SCNN1B: variants seen among roughly 807,000 people sequenced by gnomAD.
SCNN1B encodes the protein epithelial sodium channel subunit beta.
A neutral mutation model predicts 65.3 loss-of-function variants in SCNN1B; 46 were observed. That is an observed-to-expected ratio of 0.70 (90% CI 0.56 to 0.90). The LOEUF (loss-of-function observed/expected upper bound fraction) is 0.90. Among genes scored for constraint, SCNN1B ranks in the 40% least tolerant of loss-of-function variants. The probability of loss-of-function intolerance (pLI) is 0.00; values close to 1 mark genes in which losing one functional copy is unlikely to be tolerated. For missense variants in SCNN1B, 751 were observed against 830.5 expected (o/e 0.90, Z 1.18); for synonymous variants, 349 against 330.6 (o/e 1.06, Z -0.60).
chr16:23,321,668 T>C (rs1961590462), intron 1 of SCNN1B, among the ~76,000 whole-genome samples: 1 of 152,140 alleles, frequency 6.6e-6, no homozygotes, highest in Admixed American at 6.6e-5. Flanking sequence ...TGGCTTAAAG[T>C]GCCATGACAG....
chr16:23,342,409 G>A (rs761140673), intron 1 of SCNN1B, among the ~76,000 whole-genome samples: 17 of 152,186 alleles, frequency 1.1e-4, no homozygotes, highest in South Asian at 2.1e-4. Flanking sequence ...CACCACACCC[G>A]GCTAATTTTG....
intron 1 of SCNN1B, among the ~76,000 whole-genome samples, chr16:23,339,842 C>G (rs1962018952): frequency 6.6e-6 from 1 of 152,142 alleles, no homozygotes; most frequent in Non-Finnish European, 1.5e-5. Flanking sequence ...ATTGGGATTA[C>G]AGGTGTGAGC....
At chr16:23,361,680 C>A (rs1244692081) in intron 4 of SCNN1B, among the ~76,000 whole-genome samples, 1 of 152,194 alleles carries the variant, frequency 6.6e-6, no homozygotes. Flanking sequence ...TATGTCCTCA[C>A]CTGGGTGGGT....
At chr16:23,309,166 A>T (rs1337189457) in intron 1 of SCNN1B, among the ~76,000 whole-genome samples, 1 of 151,950 alleles carries the variant, frequency 6.6e-6, no homozygotes, top group Admixed American at 6.6e-5. Context: ...TTGCTAAGGG[A>T]GCTGGTGGAG....
intron 5 of SCNN1B, 106 bp downstream of exon 5, chr16:23,368,065 C>A (rs1031910139): frequency 3.3e-6 from 3 of 911,974 alleles, no homozygotes; most frequent in African/African-American, 1.6e-5. Context: ...GAGGGGGGAC[C>A]AAGGCATCAA....
At chr16:23,283,299 T>C (rs1960807263) in intron 1 of SCNN1B, among the ~76,000 whole-genome samples, 1 of 152,110 alleles carries the variant, frequency 6.6e-6, no homozygotes, top group Non-Finnish European at 1.5e-5. Flanking sequence ...TAGTCCCAGC[T>C]ACTCGGGAGG....
At chr16:23,343,587 GA>G (rs1226020743) in intron 1 of SCNN1B, among the ~76,000 whole-genome samples, 1 of 42,266 alleles carries the variant, frequency 2.4e-5, no homozygotes, top group Admixed American at 2.9e-4. Context: ...AAAAGAGAAA[GA>G]AAGAAAGAAA....
chr16:23,344,520 C>G (rs1962144320), intron 1 of SCNN1B, among the ~76,000 whole-genome samples: 1 of 152,220 alleles, frequency 6.6e-6, no homozygotes, highest in African/African-American at 2.4e-5. Flanking sequence ...TGAGTCATGG[C>G]AAACATTTAA....
At chr16:23,370,847 C>T (rs1370768573) in intron 5 of SCNN1B, among the ~76,000 whole-genome samples, 5 of 152,076 alleles carry the variant, frequency 3.3e-5, no homozygotes, top group African/African-American at 1.2e-4. Flanking sequence ...GAGCAAGGAA[C>T]AGCACTCCAG....
At chr16:23,283,165 C>A (rs745477123) in intron 1 of SCNN1B, among the ~76,000 whole-genome samples, 2 of 152,228 alleles carry the variant, frequency 1.3e-5, no homozygotes, top group Non-Finnish European at 2.9e-5. Flanking sequence ...AATCCCAGGA[C>A]GTTGGGAGGC....
intron 1 of SCNN1B, among the ~76,000 whole-genome samples, chr16:23,331,827 G>A (rs752427494): frequency 1.3e-5 from 2 of 152,104 alleles, no homozygotes; most frequent in Admixed American, 6.6e-5. Context: ...GTCTCAACAG[G>A]GGCCTCTTTG....
chr16:23,331,306 A>T (rs1425220075), intron 1 of SCNN1B, among the ~76,000 whole-genome samples: 2 of 150,200 alleles, frequency 1.3e-5, no homozygotes, highest in African/African-American at 4.9e-5. Flanking sequence ...TCAAGGGGCC[A>T]GGGAGCTTTT....
chr16:23,304,539 T>C (rs1422182395), intron 1 of SCNN1B, among the ~76,000 whole-genome samples: 1 of 152,140 alleles, frequency 6.6e-6, no homozygotes, highest in Non-Finnish European at 1.5e-5. Flanking sequence ...AGGGGTTCTC[T>C]CTAGATGCCC....
chr16:23,284,085 G>A (rs993372440), intron 2 of SCNN1B, among the ~76,000 whole-genome samples: 2 of 152,214 alleles, frequency 1.3e-5, no homozygotes, highest in African/African-American at 4.8e-5. Flanking sequence ...TGGCAGTAGA[G>A]CTTGGGAAAT....
In SCNN1B at chr16:23,348,149, G is replaced by C. The variant is rs946028806; in HGVS notation, c.-8-443G>C. ...TAAACTCCATATAGACAGTGGCCCT[G>C]GCTGGGAATCTACTTTCTTTTCTCA... is the stretch of plus-strand genomic sequence containing the variant. On this transcript the variant is annotated intron_variant, in intron 1 of 12. Transcript: ENST00000343070. The surrounding 1 kb of genome is among the most constrained non-coding windows in gnomAD (Gnocchi z 4.5). Among the ~76,000 whole-genome samples, 2 of 152,064 alleles carry C rather than the reference G, an allele frequency of 1.3e-5. No homozygotes were observed. The highest frequency in any genetic ancestry group is 2.4e-5 in the African/African-American group (1 of 41,394).
chr16:23,380,117 T>C lies in SCNN1B; in HGVS notation c.1490T>C (p.Ile497Thr). The C allele has an allele frequency of 6.2e-7, 1 of 1,614,086 alleles. No homozygotes were observed. Among genetic ancestry groups the C allele is most frequent in the South Asian group, 1.1e-5 (1 of 91,080 alleles). ...AGGAAGGGAATTGTCAAGCTCAACA[T>C]CTACTTCCAAGAATTTAACTATCGC... ...LSRKGIVKLN[I>T]YFQEFNYRTI... Residue 497 changes from isoleucine to threonine, a missense_variant, in exon 12 of 13, where the codon ATC becomes ACC. By Grantham distance (89) the Ile-to-Thr change is moderately conservative. Coordinates refer to ENST00000343070, the MANE Select transcript of SCNN1B (RefSeq NM_000336.3). This position sits in a 1 kb window ranked among gnomAD's most constrained non-coding sequence, Gnocchi z 5.4.
At chr16:23,340,487 TA>T (rs1204425213) in intron 1 of SCNN1B, among the ~76,000 whole-genome samples, 4 of 152,122 alleles carry the variant, frequency 2.6e-5, no homozygotes, top group Admixed American at 6.5e-5. Flanking sequence ...GATTCCCTTT[TA>T]AAAAAATATG....
chr16:23,286,808 A>G (rs1037821914), intron 2 of SCNN1B, among the ~76,000 whole-genome samples: 7 of 152,148 alleles, frequency 4.6e-5, no homozygotes, highest in Non-Finnish European at 1.0e-4. Context: ...TCAAGCCAGG[A>G]GCCTGATTAC....
At chr16:23,280,869 T>C (rs1405679342) in intron 1 of SCNN1B, among the ~76,000 whole-genome samples, 1 of 152,204 alleles carries the variant, frequency 6.6e-6, no homozygotes, top group East Asian at 1.9e-4. Flanking sequence ...ACACAAACGA[T>C]CTGCAAATAT....
Sources: allele counts gnomAD v4.1 joint callset (sites outside exome capture counted in the v4.1 genomes callset), GRCh38; gene constraint gnomAD v4.1.1; non-coding constraint Gnocchi (gnomAD v3.1); transcripts MANE v1.5; gene names NCBI Gene and HGNC (gene_info 2026-07-23, HGNC 2026-07-21).